Variants in ANXA13 observed in about 807,000 individuals in gnomAD.
The protein encoded by ANXA13 is annexin XIII.
In ANXA13, 36 loss-of-function variants were observed where a neutral mutation model predicts 46.6. The ratio of observed to expected loss-of-function variants is 0.77; its 90% CI spans 0.59 to 1.02. ANXA13 has a LOEUF of 1.02. ANXA13 is among the 50% of genes least tolerant of loss of function. The pLI, the probability that ANXA13 is intolerant of heterozygous loss-of-function variation, is 0.00. For missense variants in ANXA13, 417 were observed against 396.5 expected, an observed-to-expected ratio of 1.05 and a Z score of -0.44; for synonymous variants, 163 against 152.9, an observed-to-expected ratio of 1.07 and a Z score of -0.49.
chr8:123,693,876 T>C, intron 6 of ANXA13, 97 bp from the exon 7 acceptor site: 49 of 1,042,198 alleles, frequency 4.7e-5, no homozygotes, highest in African/African-American at 6.3e-5. Context: ...AGAGGTGAAT[T>C]CTTTCTCAGC....
At chr8:123,704,149 A>G (rs936987700) in intron 2 of ANXA13, among the ~76,000 whole-genome samples, 1 of 152,112 alleles carries the variant, frequency 6.6e-6, no homozygotes, top group Admixed American at 6.5e-5. Context: ...GATGTAAATG[A>G]CCACGCGCCT....
intron 9 of ANXA13, among the ~76,000 whole-genome samples, chr8:123,686,023 C>T (rs182885573): frequency 2.0e-5 from 3 of 152,328 alleles, no homozygotes; most frequent in African/African-American, 7.2e-5. Flanking sequence ...CAGGGATCTT[C>T]TCCCTTGACA....
At chr8:123,735,562 G>C (rs1003395271) in intron 1 of ANXA13, among the ~76,000 whole-genome samples, 1 of 152,172 alleles carries the variant, frequency 6.6e-6, no homozygotes, top group South Asian at 2.1e-4. Flanking sequence ...CCCTAGAAGA[G>C]TTCATTTTTA....
At chr8:123,681,800 T>A (rs1813045276) in intron 10 of ANXA13, among the ~76,000 whole-genome samples, 1 of 151,984 alleles carries the variant, frequency 6.6e-6, no homozygotes, top group Non-Finnish European at 1.5e-5. Context: ...TTTTTCTGTA[T>A]TTTTAGTAGA....
intron 10 of ANXA13, among the ~76,000 whole-genome samples, chr8:123,681,948 G>T (rs568613707): frequency 1.3e-5 from 2 of 152,188 alleles, no homozygotes; most frequent in South Asian, 4.2e-4. Flanking sequence ...ATTTCATACA[G>T]TTTTTACATG....
At chr8:123,724,619 A>G (rs1376120056) in intron 1 of ANXA13, among the ~76,000 whole-genome samples, 1 of 152,250 alleles carries the variant, frequency 6.6e-6, no homozygotes, top group Non-Finnish European at 1.5e-5. Flanking sequence ...GAAGAGGTTT[A>G]GCATGAAATC....
At chr8:123,722,555 AG>A (rs1416676008) in intron 1 of ANXA13, among the ~76,000 whole-genome samples, 1 of 152,178 alleles carries the variant, frequency 6.6e-6, no homozygotes, top group Non-Finnish European at 1.5e-5. Context: ...TGAAAAATGA[AG>A]TCACCGCTAT....
chr8:123,689,040 C>T, intron 8 of ANXA13, 94 bp from the exon 9 acceptor site: 1 of 1,205,684 alleles, frequency 8.3e-7, no homozygotes, highest in Non-Finnish European at 1.2e-6. Flanking sequence ...CTCAAGTTTT[C>T]CAGATTTAGT....
rs919921305 is a variant in ANXA13 at position 123,690,913 on chromosome 8, C to T, written c.643-1967G>A. ...CAGGGGAGGGGCAAAGGGTGAGGCA[C>T]GCAGTGAGGTGGCAGCAAAGTGGGC... On this transcript the variant is annotated intron_variant, in intron 8 of 10. Transcript: ENST00000419625. This position sits in a 1 kb window ranked among gnomAD's most constrained non-coding sequence, Gnocchi z 4.6. Among the ~76,000 whole-genome samples, 12 of 152,170 alleles carry T rather than the reference C, an allele frequency of 7.9e-5. No homozygotes were observed. Among genetic ancestry groups the T allele is most frequent in the South Asian group, 2.1e-4 (1 of 4,830 alleles).
At chr8:123,701,999 T>A (rs1202563622) in intron 3 of ANXA13, among the ~76,000 whole-genome samples, 1 of 152,164 alleles carries the variant, frequency 6.6e-6, no homozygotes, top group Non-Finnish European at 1.5e-5. Context: ...ATACCTACAG[T>A]GATTGAAATG....
At chr8:123,714,338 C>G (rs1228396316) in intron 1 of ANXA13, among the ~76,000 whole-genome samples, 1 of 152,176 alleles carries the variant, frequency 6.6e-6, no homozygotes, top group Non-Finnish European at 1.5e-5. Context: ...CAATTAGAGT[C>G]TTTCCCTTGG....
At chr8:123,724,791 G>C (rs573994424) in intron 1 of ANXA13, among the ~76,000 whole-genome samples, 1 of 152,200 alleles carries the variant, frequency 6.6e-6, no homozygotes, top group Non-Finnish European at 1.5e-5. Context: ...TTTCACACTC[G>C]TCTAATCCAG....
intron 9 of ANXA13, among the ~76,000 whole-genome samples, chr8:123,688,512 C>T (rs891780041): frequency 1.2e-4 from 19 of 152,142 alleles, no homozygotes; most frequent in Non-Finnish European, 2.2e-4. Flanking sequence ...TATTCAGGAT[C>T]GAGGCAGTCA....
In ANXA13 at chr8:123,695,511, A is replaced by G. The variant is rs1185940758; in HGVS notation, c.462T>C (p.Ser154=). 2.5e-6 allele frequency: 4 copies of G among 1,613,610 alleles called. No homozygotes were observed. The highest frequency in any genetic ancestry group is 3.4e-6 in the Non-Finnish European group (4 of 1,179,544). The change falls in exon 6 of 11, where the codon TCT becomes TCC. Residue 154 remains serine (S), a synonymous_variant. Coordinates refer to ENST00000419625, the MANE Select transcript of ANXA13 (RefSeq NM_004306.4). ...TSGNLKKILV[S]LLQANRNEGD... ...ACCTCTTTCCTCTTACCTGCAGCAG[A>G]GACACCAGGATTTTTTTTAGGTTTC...
intron 10 of ANXA13, among the ~76,000 whole-genome samples, chr8:123,683,584 CTTTT>C (rs5894671): frequency 0.035 from 3,485 of 100,890 alleles, 43 homozygotes; most frequent in Admixed American, 0.044. Context: ...TAGCTGTGAC[CTTTT>C]TTTTTTTTTT....
chr8:123,705,662 G>A (rs538380762), intron 2 of ANXA13, among the ~76,000 whole-genome samples: 278 of 152,306 alleles, frequency 1.8e-3, no homozygotes, highest in African/African-American at 6.5e-3. Flanking sequence ...CTGCTGTCTT[G>A]CTCTGGTTGG....
In ANXA13 at chr8:123,695,674, GA is replaced by G. The variant is rs1813318131; in HGVS notation, c.391+13del. On this transcript the variant is annotated intron_variant, in intron 5 of 10. Coordinates refer to ENST00000419625, the MANE Select transcript of ANXA13 (RefSeq NM_004306.4). The stretch of plus-strand genomic sequence containing the variant: ...AACATACTTTATCCAAAGCCAGAAT[GA>G]AAAGTCACTTACGCCTTTGGTAGGC... 6.2e-7 allele frequency: 1 copy of G among 1,613,450 alleles called. No homozygotes were observed. Among genetic ancestry groups the G allele is most frequent in the African/African-American group, 1.3e-5 (1 of 75,012 alleles).
intron 2 of ANXA13, among the ~76,000 whole-genome samples, chr8:123,708,726 C>T (rs1311841039): frequency 6.6e-6 from 1 of 152,200 alleles, no homozygotes; most frequent in South Asian, 2.1e-4. Flanking sequence ...TATTCCTGCA[C>T]AGCTCTGGAG....
At chr8:123,721,725 G>A (rs1319750631) in intron 1 of ANXA13, among the ~76,000 whole-genome samples, 1 of 152,184 alleles carries the variant, frequency 6.6e-6, no homozygotes, top group Non-Finnish European at 1.5e-5. Flanking sequence ...ATGTATAGGA[G>A]GAAAACTCAA....
Sources: allele counts gnomAD v4.1 joint callset (sites outside exome capture counted in the v4.1 genomes callset), GRCh38; gene constraint gnomAD v4.1.1; non-coding constraint Gnocchi (gnomAD v3.1); transcripts MANE v1.5; gene names NCBI Gene and HGNC (gene_info 2026-07-23, HGNC 2026-07-21).